Variants in CLVS1 observed in about 807,000 individuals in gnomAD.
CLVS1 encodes clavesin 1.
Under a neutral mutation model 33.1 loss-of-function variants are expected in CLVS1, and 10 were observed. That is an observed-to-expected ratio of 0.30 (90% confidence interval 0.19 to 0.51). CLVS1 has a LOEUF of 0.51. CLVS1 is among the 20% of genes least tolerant of loss of function. CLVS1 has a pLI of 0.97. For missense variants in CLVS1, 343 were observed against 433.4 expected, an observed-to-expected ratio of 0.79 and a Z score of 1.85; for synonymous variants, 163 against 166.1, an observed-to-expected ratio of 0.98 and a Z score of 0.14.
At chr8:61,349,747 G>A (rs775300715) in intron 2 of CLVS1, among the ~76,000 whole-genome samples, 4 of 151,968 alleles carry the variant, frequency 2.6e-5, no homozygotes, top group African/African-American at 4.8e-5. Flanking sequence ...GTTTGGAAAC[G>A]CCAAAAGTCA....
chr8:61,468,288 A>C (rs768905676), intron 5 of CLVS1, among the ~76,000 whole-genome samples: 1 of 152,194 alleles, frequency 6.6e-6, no homozygotes, highest in Non-Finnish European at 1.5e-5. Flanking sequence ...TGTTCCTTAC[A>C]TAGCTAATAT....
chr8:61,232,039 T>G lies in CLVS1; in HGVS notation c.-151-67638T>G, dbSNP rs145979181. The stretch of plus-strand genomic sequence containing the variant: ...AAAGTTGTGGTTTTTTTTTTTTTTT[T>G]TTTTTTTTTTTGTGAGATGGAGTCT... On this transcript the variant is annotated intron_variant, in intron 2 of 2. Coordinates refer to the CLVS1 transcript ENST00000522621. Among the ~76,000 whole-genome samples the G allele has an allele frequency of 1.1e-3, 149 of 135,128 alleles. 6 individuals are homozygous for G. The highest frequency in any genetic ancestry group is 4.1e-3 in the African/African-American group (133 of 32,116). The allele number at this position is 135,128 out of a possible 152,430, so 88.6% of individuals were successfully genotyped here. A position where few individuals can be genotyped will look rare whatever the true frequency, so the allele number is the denominator to read the frequency against.
At chr8:61,134,096 A>G (rs1310878027) in intron 2 of CLVS1, among the ~76,000 whole-genome samples, 1 of 152,188 alleles carries the variant, frequency 6.6e-6, no homozygotes, top group Admixed American at 6.5e-5. Flanking sequence ...AGCTGGGTGT[A>G]TAGTGGAGCC....
At chr8:61,296,221 C>T (rs1810204158) in intron 1 of CLVS1, among the ~76,000 whole-genome samples, 1 of 152,168 alleles carries the variant, frequency 6.6e-6, no homozygotes, top group African/African-American at 2.4e-5. Flanking sequence ...AGTTATGAAA[C>T]CCAGTGACCC....
intron 5 of CLVS1, among the ~76,000 whole-genome samples, chr8:61,497,096 A>G (rs1474260010): frequency 6.6e-6 from 1 of 152,186 alleles, no homozygotes; most frequent in Non-Finnish European, 1.5e-5. Flanking sequence ...ATGCACAAAC[A>G]TAGTGTTTTA....
intron 2 of CLVS1, among the ~76,000 whole-genome samples, chr8:61,356,539 T>A (rs1362207336): frequency 6.6e-6 from 1 of 151,726 alleles, no homozygotes; most frequent in Non-Finnish European, 1.5e-5. Flanking sequence ...AGGGTTTTTA[T>A]GGTTTTAGGT....
At chr8:61,177,170 T>A (rs888380213) in intron 2 of CLVS1, among the ~76,000 whole-genome samples, 1 of 152,192 alleles carries the variant, frequency 6.6e-6, no homozygotes, top group African/African-American at 2.4e-5. Context: ...ATGGACCTCT[T>A]GGTCCCAAGA....
intron 2 of CLVS1, among the ~76,000 whole-genome samples, chr8:61,332,483 G>A (rs992886314): frequency 6.6e-6 from 1 of 152,088 alleles, no homozygotes; most frequent in Non-Finnish European, 1.5e-5. Flanking sequence ...TTACGACAGT[G>A]ACTATTTGTC....
intron 2 of CLVS1, among the ~76,000 whole-genome samples, chr8:61,193,672 A>G (rs915029677): frequency 2.0e-5 from 3 of 152,034 alleles, no homozygotes; most frequent in South Asian, 2.1e-4. Flanking sequence ...ACTATCAAGA[A>G]TGAAGGTAAA....
chr8:61,156,113 C>G (rs998245009), intron 2 of CLVS1, among the ~76,000 whole-genome samples: 6 of 149,388 alleles, frequency 4.0e-5, no homozygotes, highest in African/African-American at 1.5e-4. Context: ...ACTCAGTAGG[C>G]TGAGGCAGGA....
chr8:61,234,947 A>T (rs1347399760), intron 2 of CLVS1, among the ~76,000 whole-genome samples: 1 of 152,148 alleles, frequency 6.6e-6, no homozygotes, highest in Non-Finnish European at 1.5e-5. Context: ...TCTTCTTTGT[A>T]TGGGACATAC....
At chr8:61,310,616 C>T (rs1369254197) in intron 2 of CLVS1, among the ~76,000 whole-genome samples, 1 of 152,018 alleles carries the variant, frequency 6.6e-6, no homozygotes, top group East Asian at 2.0e-4. Flanking sequence ...ATCCTGTTGC[C>T]ACATACTTCA....
intron 1 of CLVS1, among the ~76,000 whole-genome samples, chr8:61,067,430 G>A (rs1452514870): frequency 6.8e-6 from 1 of 148,006 alleles, no homozygotes; most frequent in African/African-American, 2.5e-5. Flanking sequence ...ATACTTATAA[G>A]GATATATTAT....
chr8:61,457,783 A>G (rs1817220413), intron 4 of CLVS1, among the ~76,000 whole-genome samples: 1 of 152,194 alleles, frequency 6.6e-6, no homozygotes, highest in Non-Finnish European at 1.5e-5. Context: ...ACAAACAAAA[A>G]CAGAAGTCGG....
intron 2 of CLVS1, among the ~76,000 whole-genome samples, chr8:61,214,347 G>A (rs1307404781): frequency 6.6e-6 from 1 of 152,226 alleles, no homozygotes; most frequent in South Asian, 2.1e-4. Flanking sequence ...GGCTTGTGGG[G>A]CATCATGGAA....
At chr8:61,322,207 G>A (rs1189563942) in intron 2 of CLVS1, among the ~76,000 whole-genome samples, 1 of 152,048 alleles carries the variant, frequency 6.6e-6, no homozygotes, top group Non-Finnish European at 1.5e-5. Flanking sequence ...AATATCCAGG[G>A]ATTTATTTTC....
chr8:61,118,183 A>G (rs1464951221), intron 1 of CLVS1, among the ~76,000 whole-genome samples: 2 of 151,852 alleles, frequency 1.3e-5, no homozygotes, highest in African/African-American at 4.8e-5. Flanking sequence ...GTATTCTCTG[A>G]TGGTAGTTGG....
chr8:61,128,194 T>C (rs1344526472), intron 1 of CLVS1, among the ~76,000 whole-genome samples: 1 of 152,248 alleles, frequency 6.6e-6, no homozygotes, highest in African/African-American at 2.4e-5. Flanking sequence ...TTTCCAGTCA[T>C]GATACCAAGA....
chr8:61,232,023 G>GTTTGTTTGTTTGTTTGTTTTTTTTTT lies in CLVS1; in HGVS notation c.-151-67651_-151-67650insGTTTGTTTGTTTGTTTTTTTTTTTTT. 7.3e-4 allele frequency among the ~76,000 whole-genome samples: 46 copies of GTTTGTTTGTTTGTTTGTTTTTTTTTT among 62,658 alleles called. 3 individuals are homozygous for GTTTGTTTGTTTGTTTGTTTTTTTTTT. Among genetic ancestry groups the GTTTGTTTGTTTGTTTGTTTTTTTTTT allele is most frequent in the African/African-American group, 1.8e-3 (37 of 21,122 alleles). 41.1% of individuals were successfully genotyped at this position (62,658 alleles called of 152,430 possible). On this transcript the variant is annotated intron_variant, in intron 2 of 2. Transcript: ENST00000522621. ...AGAAGGAGCCCTGAGGAAAGTTGTG[G>GTTTGTTTGTTTGTTTGTTTTTTTTTT]TTTTTTTTTTTTTTTTTTTTTTTTT...
Sources: allele counts gnomAD v4.1 joint callset (sites outside exome capture counted in the v4.1 genomes callset), GRCh38; gene constraint gnomAD v4.1.1; transcripts MANE v1.5; gene names NCBI Gene and HGNC (gene_info 2026-07-23, HGNC 2026-07-21).